Variants in LARP4B observed in about 807,000 individuals in gnomAD.
LARP4B encodes the protein La ribonucleoprotein 4B, also known as la-related protein 4B.
Under a neutral mutation model 89.8 loss-of-function variants are expected in LARP4B, and 12 were observed. That is an observed-to-expected ratio of 0.13 (90% confidence interval 0.09 to 0.22). LARP4B has a LOEUF of 0.22. Among genes scored for constraint, LARP4B ranks in the 10% least tolerant of loss-of-function variants. LARP4B has a pLI of 1.00. For missense variants in LARP4B, 757 were observed against 947.7 expected, an observed-to-expected ratio of 0.80 and a Z score of 2.64; for synonymous variants, 367 against 363.3, an observed-to-expected ratio of 1.01 and a Z score of -0.12.
At chr10:929,434 A>C (rs771228272) in intron 1 of LARP4B, among the ~76,000 whole-genome samples, 33 of 152,204 alleles carry the variant, frequency 2.2e-4, no homozygotes, top group Non-Finnish European at 1.2e-4. Flanking sequence ...GTCTCTACTA[A>C]AAATACAAAA....
At chr10:858,059 C>T (rs1834399611) in intron 5 of LARP4B, among the ~76,000 whole-genome samples, 1 of 152,142 alleles carries the variant, frequency 6.6e-6, no homozygotes, top group African/African-American at 2.4e-5. Context: ...GAGCAAAAAT[C>T]TGACCTGAAA....
chr10:915,349 T>C (rs1836790154), intron 1 of LARP4B, among the ~76,000 whole-genome samples: 1 of 152,222 alleles, frequency 6.6e-6, no homozygotes, highest in South Asian at 2.1e-4. Context: ...AAATTTATTT[T>C]TCTCTTTTGA....
intron 1 of LARP4B, among the ~76,000 whole-genome samples, chr10:921,279 A>G (rs919096574): frequency 6.6e-6 from 1 of 152,126 alleles, no homozygotes; most frequent in African/African-American, 2.4e-5. Flanking sequence ...ATCTCAAAAA[A>G]AAAAAGAAAA....
At chr10:844,860 T>A in intron 6 of LARP4B, 117 bp downstream of exon 6, 1 of 645,308 alleles carries the variant, frequency 1.5e-6, no homozygotes, top group East Asian at 2.9e-5. Context: ...CGTCTTCATA[T>A]ACATATATAT....
chr10:807,028 CAG>C (rs1831583200), downstream of LARP4B: 3 of 152,256 alleles, frequency 2.0e-5, no homozygotes, highest in Admixed American at 6.5e-5. Flanking sequence ...TCCCTTCAGA[CAG>C]GGCACAGGCG....
chr10:910,912 G>A (rs1427090823), intron 1 of LARP4B, among the ~76,000 whole-genome samples: 1 of 152,152 alleles, frequency 6.6e-6, no homozygotes, highest in Non-Finnish European at 1.5e-5. Flanking sequence ...TACCCTGCTT[G>A]AGCACTCCCG....
chr10:845,266 T>C (rs1206449998), intron 5 of LARP4B, among the ~76,000 whole-genome samples: 2 of 152,186 alleles, frequency 1.3e-5, no homozygotes, highest in African/African-American at 4.8e-5. Context: ...CAGCACAGTT[T>C]AGAAAAATAA....
At chr10:987,651 T>C in the LARP4B span, 23 of 152,200 alleles carry the variant, frequency 1.5e-4, no homozygotes, top group Non-Finnish European at 3.2e-4. Context: ...ACGTTTAATT[T>C]AAGGGATGTG....
intron 1 of LARP4B, among the ~76,000 whole-genome samples, chr10:922,194 T>C (rs1020260883): frequency 6.6e-6 from 1 of 152,210 alleles, no homozygotes; most frequent in South Asian, 2.1e-4. Context: ...GCATGTGCAG[T>C]GCACAGTAGG....
the LARP4B span, chr10:986,094 G>A: frequency 6.6e-6 from 1 of 152,318 alleles, no homozygotes; most frequent in Non-Finnish European, 1.5e-5. Context: ...GCTCCTTTCA[G>A]GCAGGAAGTT....
intron 3 of LARP4B, among the ~76,000 whole-genome samples, chr10:881,461 C>G (rs1384760503): frequency 1.3e-5 from 2 of 152,148 alleles, no homozygotes. Context: ...CTTGAGTCAG[C>G]CTCCCTGCCT....
intron 5 of LARP4B, among the ~76,000 whole-genome samples, chr10:849,118 G>T (rs1448040906): frequency 1.3e-5 from 2 of 151,868 alleles, no homozygotes; most frequent in Non-Finnish European, 2.9e-5. Context: ...AAAACGCAAA[G>T]AAATCATTAA....
chr10:984,874 G>A, the LARP4B span, among the ~76,000 whole-genome samples: 3 of 152,208 alleles, frequency 2.0e-5, no homozygotes, highest in African/African-American at 7.2e-5. Context: ...GGAGGTTGCA[G>A]TGAGCCAAGA....
At chr10:892,569 T>C (rs1836063331) in intron 1 of LARP4B, among the ~76,000 whole-genome samples, 1 of 151,952 alleles carries the variant, frequency 6.6e-6, no homozygotes, top group Non-Finnish European at 1.5e-5. Context: ...AGATAGAGTA[T>C]CGCTCTGTTG....
At chr10:958,608 A>G in the LARP4B span, among the ~76,000 whole-genome samples, 1 of 152,188 alleles carries the variant, frequency 6.6e-6, no homozygotes, top group Admixed American at 6.5e-5. Flanking sequence ...CCCTAAAATT[A>G]TGTCATAAAC....
At position 810,142 on chromosome 10, in the gene LARP4B, G is replaced by A. The variant is rs1320885369; in HGVS notation, c.*2784C>T. Reference sequence around the variant, plus strand: ...TGCTGCATCTCTGATTCTATAACCTGAGATACTGCTGGGGGTAAAGGAGGG... The same window carrying A: ...TGCTGCATCTCTGATTCTATAACCTAAGATACTGCTGGGGGTAAAGGAGGG... On this transcript the variant is annotated 3_prime_UTR_variant, in exon 18 of 18. Transcript: ENST00000316157. The A allele has an allele frequency of 6.6e-6, 1 of 151,740 alleles. No homozygotes were observed. The highest frequency in any genetic ancestry group is 2.4e-5 in the African/African-American group (1 of 41,248). 9.4% of individuals were successfully genotyped at this position (151,740 alleles called of 1,614,324 possible).
chr10:920,004 T>C (rs780293849), intron 1 of LARP4B, among the ~76,000 whole-genome samples: 58 of 152,200 alleles, frequency 3.8e-4, no homozygotes, highest in Admixed American at 5.9e-4. Flanking sequence ...CTGGAGTAAA[T>C]ATATTTCAAT....
At position 822,081 on chromosome 10, in the gene LARP4B, T is replaced by C. The variant is rs771084373; in HGVS notation, c.1485-1236A>G. ...CACCTGGCTCAGCACCACTCCCTAATAGGGGGTGCTCCCAAAACCCAGGGA... is the reference window on the plus strand; with the variant it reads ...CACCTGGCTCAGCACCACTCCCTAACAGGGGGTGCTCCCAAAACCCAGGGA... On this transcript the variant is annotated intron_variant, in intron 13 of 17. Transcript: ENST00000316157. The surrounding 1 kb of genome is among the most constrained non-coding windows in gnomAD (Gnocchi z 4.6). 6.6e-5 allele frequency among the ~76,000 whole-genome samples: 10 copies of C among 152,110 alleles called. No individual in the cohort carries two copies. Among genetic ancestry groups the C allele is most frequent in the Non-Finnish European group, 1.0e-4 (7 of 67,992 alleles).
chr10:892,899 G>T (rs1418599660), intron 1 of LARP4B, among the ~76,000 whole-genome samples: 4 of 129,664 alleles, frequency 3.1e-5, no homozygotes, highest in East Asian at 4.5e-4. Context: ...TTCACCAAGA[G>T]AAATTTTTTT....
Sources: gnomAD v4.1 joint callset for allele counts (sites outside exome capture counted in the v4.1 genomes callset) on GRCh38, gnomAD v4.1.1 for gene constraint, Gnocchi (gnomAD v3.1) non-coding constraint, MANE v1.5 for transcripts, NCBI Gene and HGNC (gene_info 2026-07-23, HGNC 2026-07-21) for gene names.